The following ABL2 variants were observed in gnomAD, a reference collection of about 807,000 sequenced individuals.
The protein encoded by ABL2 is ABL proto-oncogene 2, non-receptor tyrosine kinase.
ABL2 carries 49 observed loss-of-function variants against 107.7 expected under a neutral mutation model. That is an observed-to-expected ratio of 0.45 (90% CI 0.36 to 0.58). The LOEUF is 0.58. ABL2 is among the 20% of genes least tolerant of loss of function. The probability of loss-of-function intolerance (pLI) is 0.00; values close to 1 mark genes in which losing one functional copy is unlikely to be tolerated. For missense variants in ABL2, 1,245 were observed against 1,457.0 expected, an observed-to-expected ratio of 0.85 and a Z score of 2.37; for synonymous variants, 549 against 548.6, an observed-to-expected ratio of 1.00 and a Z score of -0.01.
At position 179,101,377 on chromosome 1, in the gene ABL2, C is replaced by CG. The variant is rs1553211581; in HGVS notation, c.*6340_*6341insC. 2.4e-5 allele frequency: 4 copies of CG among 166,924 alleles called. No homozygotes were observed. Among genetic ancestry groups the CG allele is most frequent in the Non-Finnish European group, 5.0e-5 (4 of 79,774 alleles). 10.3% of individuals were successfully genotyped at this position (166,924 alleles called of 1,614,324 possible). A position where few individuals can be genotyped will look rare whatever the true frequency, so the allele number is the denominator to read the frequency against. On this transcript the variant is annotated 3_prime_UTR_variant, in exon 12 of 12. Coordinates refer to ENST00000502732, the MANE Select transcript of ABL2 (RefSeq NM_007314.4). ...ATATTGAGTCAGAAATGAAGGTATCCTTTTTTTTTTTTTTCTTCTTAACGT... is the reference window on the plus strand; with the variant it reads ...ATATTGAGTCAGAAATGAAGGTATCCGTTTTTTTTTTTTTTCTTCTTAACGT...
At chr1:179,172,673 T>C (rs193055216) in intron 1 of ABL2, among the ~76,000 whole-genome samples, 4 of 152,262 alleles carry the variant, frequency 2.6e-5, no homozygotes, top group Admixed American at 2.6e-4. Context: ...GAAAAGAGAA[T>C]TTTAGGCATT....
intron 1 of ABL2, chr1:179,201,764 G>A: frequency 1.2e-6 from 1 of 846,572 alleles, no homozygotes; most frequent in Non-Finnish European, 1.9e-6. Context: ...CCACCAATAG[G>A]GAAAATTATA....
At chr1:179,222,793 T>C (rs1662945209) in intron 1 of ABL2, among the ~76,000 whole-genome samples, 3 of 151,656 alleles carry the variant, frequency 2.0e-5, no homozygotes. Flanking sequence ...ATATTTAAAA[T>C]ACCTTTAAAA....
In ABL2 at chr1:179,102,214, T is replaced by A. The variant is rs1314285484; in HGVS notation, c.*5504A>T. The stretch of plus-strand genomic sequence containing the variant: ...TTTTAGTAGAGGTGGGGTTTCACCG[T>A]GTTAGCCAGGATGGTCTCAATCTCC... On this transcript the variant is annotated 3_prime_UTR_variant, in exon 12 of 12. Coordinates refer to ENST00000502732, the MANE Select transcript of ABL2 (RefSeq NM_007314.4). 5.8e-6 allele frequency: 1 copy of A among 171,954 alleles called. No homozygotes were observed. The highest frequency in any genetic ancestry group is 2.4e-5 in the African/African-American group (1 of 41,956). The allele number at this position is 171,954 out of a possible 1,614,324, so 10.7% of individuals were successfully genotyped here. A position where few individuals can be genotyped will look rare whatever the true frequency, so the allele number is the denominator to read the frequency against.
intron 1 of ABL2, among the ~76,000 whole-genome samples, chr1:179,224,946 A>G (rs1467714699): frequency 6.6e-6 from 1 of 152,000 alleles, no homozygotes; most frequent in African/African-American, 2.4e-5. Context: ...GGATTGCTTG[A>G]GTCCAGGAGT....
intron 1 of ABL2, among the ~76,000 whole-genome samples, chr1:179,155,783 A>G (rs1658651477): frequency 6.6e-6 from 1 of 151,960 alleles, no homozygotes; most frequent in Non-Finnish European, 1.5e-5. Flanking sequence ...CTTAGAATCC[A>G]TCCAAAAAAA....
chr1:179,101,621 T>C lies in ABL2; in HGVS notation c.*6097A>G. On this transcript the variant is annotated 3_prime_UTR_variant, in exon 12 of 12. Transcript: ENST00000502732. ...CCTGACCTCAAGTGATCCGCCCATC[T>C]TGGTCTCCCAAAGTGCTGGGATTAC... 1 of 176,006 alleles carries C rather than the reference T, an allele frequency of 5.7e-6. No individual in the cohort carries two copies. Among genetic ancestry groups the C allele is most frequent in the Non-Finnish European group, 1.2e-5 (1 of 81,708 alleles). The allele number at this position is 176,006 out of a possible 1,614,324, so 10.9% of individuals were successfully genotyped here. A position where few individuals can be genotyped will look rare whatever the true frequency, so the allele number is the denominator to read the frequency against.
At chr1:179,228,094 G>T (rs1176516754) in intron 1 of ABL2, among the ~76,000 whole-genome samples, 3 of 149,918 alleles carry the variant, frequency 2.0e-5, no homozygotes, top group Non-Finnish European at 4.4e-5. Flanking sequence ...AGGAACGGTG[G>T]TGGCTCACAC....
chr1:179,227,973 C>T (rs1198222015), intron 1 of ABL2, among the ~76,000 whole-genome samples: 3 of 149,158 alleles, frequency 2.0e-5, no homozygotes, highest in Non-Finnish European at 4.4e-5. Context: ...TCGCTTGAAC[C>T]TGGGAGGCAG....
intron 1 of ABL2, among the ~76,000 whole-genome samples, chr1:179,162,343 G>A (rs1156409491): frequency 2.0e-5 from 3 of 152,104 alleles, no homozygotes; most frequent in East Asian, 1.9e-4. Context: ...CTAGCACTTC[G>A]GGAGGCCAAG....
rs1652908239 is a variant in ABL2, at chr1:179,099,364, C to T, written c.*8354G>A. On this transcript the variant is annotated 3_prime_UTR_variant, in exon 12 of 12. Transcript: ENST00000502732. ...AAAATATTGCAACCTTTATTTAAAA[C>T]AGAACACAACTTGGCAAACCTTGTG... is the stretch of plus-strand genomic sequence containing the variant. 5.0e-6 allele frequency: 1 copy of T among 201,080 alleles called. No individual in the cohort carries two copies. Among genetic ancestry groups the T allele is most frequent in the Non-Finnish European group, 1.0e-5 (1 of 97,670 alleles). 12.5% of individuals were successfully genotyped at this position (201,080 alleles called of 1,614,324 possible).
chr1:179,111,493 C>T (rs915188271), intron 10 of ABL2, among the ~76,000 whole-genome samples: 2 of 151,390 alleles, frequency 1.3e-5, no homozygotes, highest in Admixed American at 6.6e-5. Flanking sequence ...ACCATGTTGG[C>T]CACGCTAGTC....
intron 1 of ABL2, chr1:179,184,357 C>G (rs566820567): frequency 1.5e-6 from 1 of 652,588 alleles, no homozygotes; most frequent in African/African-American, 1.9e-5. Flanking sequence ...AAATGGAAAG[C>G]TGGAAAGGAT....
intron 1 of ABL2, among the ~76,000 whole-genome samples, chr1:179,146,637 C>T (rs539167545): frequency 6.6e-6 from 1 of 152,032 alleles, no homozygotes. Context: ...CGGAGATAAT[C>T]GGATCATGGA....
At chr1:179,200,160 C>T (rs1661584562) in intron 1 of ABL2, among the ~76,000 whole-genome samples, 1 of 150,204 alleles carries the variant, frequency 6.7e-6, no homozygotes, top group African/African-American at 2.5e-5. Context: ...GATTCTCGTG[C>T]TTCAGCCTCC....
At chr1:179,219,052 T>TTTA (rs759562631) in intron 1 of ABL2, among the ~76,000 whole-genome samples, 1 of 151,898 alleles carries the variant, frequency 6.6e-6, no homozygotes, top group Non-Finnish European at 1.5e-5. Context: ...CTAAACAAGT[T>TTTA]TTCTTTTTGA....
In ABL2 at chr1:179,114,416, G is replaced by C. The variant is rs1368324207; in HGVS notation, c.1561+462C>G. Among the ~76,000 whole-genome samples, 6 of 152,104 alleles carry C rather than the reference G, an allele frequency of 3.9e-5. No homozygotes were observed. The East Asian group carries it at 1.2e-3, about 29-fold the overall frequency. Reference sequence around the variant, plus strand: ...CACTCCAGCCTGGGCAACAAAGCAAGAGTGTTTGAAAAACAACAACACAAA... The same window carrying C: ...CACTCCAGCCTGGGCAACAAAGCAACAGTGTTTGAAAAACAACAACACAAA... On this transcript the variant is annotated intron_variant, in intron 9 of 11. Coordinates refer to ENST00000502732, the MANE Select transcript of ABL2 (RefSeq NM_007314.4).
chr1:179,112,040 A>T (rs1654128684), intron 10 of ABL2, among the ~76,000 whole-genome samples: 2 of 152,006 alleles, frequency 1.3e-5, no homozygotes, highest in South Asian at 4.2e-4. Context: ...GTGAGACTCC[A>T]TCTCAAAAAA....
Position 179,129,622 on chromosome 1 carries a change from C to T in ABL2, c.391+1689G>A, listed in dbSNP as rs138057082. Reference sequence around the variant, plus strand: ...GCTTGAACCCAGGAGGCACAGCTTGCAGTGAGCCGAGACTGTGCCACTGCA... The same window carrying T: ...GCTTGAACCCAGGAGGCACAGCTTGTAGTGAGCCGAGACTGTGCCACTGCA... On this transcript the variant is annotated intron_variant, in intron 3 of 11. Coordinates refer to ENST00000502732, the MANE Select transcript of ABL2 (RefSeq NM_007314.4). Among the ~76,000 whole-genome samples, 335 of 149,688 alleles carry T rather than the reference C, an allele frequency of 2.2e-3. 3 individuals are homozygous for T. Among genetic ancestry groups the T allele is most frequent in the African/African-American group, 7.6e-3 (309 of 40,620 alleles).
Sources: gnomAD v4.1 joint callset for allele counts (sites outside exome capture counted in the v4.1 genomes callset) on GRCh38, gnomAD v4.1.1 for gene constraint, MANE v1.5 for transcripts, NCBI Gene and HGNC (gene_info 2026-07-23, HGNC 2026-07-21) for gene names.